Variants in ARHGEF28 observed in about 807,000 individuals in gnomAD.
ARHGEF28 encodes Rho guanine nucleotide exchange factor 28.
In ARHGEF28, 152 loss-of-function variants were observed where a neutral mutation model predicts 206.6. The observed-to-expected ratio is 0.74, with a 90% CI of 0.64 to 0.84. The LOEUF (loss-of-function observed/expected upper bound fraction) is 0.84. Ranked by LOEUF, ARHGEF28 falls within the 40% of genes least tolerant of loss-of-function variation. The probability of loss-of-function intolerance (pLI) is 0.00; values close to 1 mark genes in which losing one functional copy is unlikely to be tolerated. For missense variants in ARHGEF28, 2,028 were observed against 2,073.2 expected (o/e 0.98, Z 0.42); for synonymous variants, 763 against 776.4 (o/e 0.98, Z 0.29).
chr5:73,748,843 C>T (rs950838542), intron 2 of ARHGEF28, among the ~76,000 whole-genome samples: 5 of 152,118 alleles, frequency 3.3e-5, no homozygotes, highest in Admixed American at 1.3e-4. Flanking sequence ...TTTGTGTTTT[C>T]GGTAGGGAGT....
chr5:73,827,667 T>A (rs1296335081), intron 9 of ARHGEF28, among the ~76,000 whole-genome samples: 1 of 152,230 alleles, frequency 6.6e-6, no homozygotes, highest in African/African-American at 2.4e-5. Flanking sequence ...ACGAGTGTTT[T>A]TCACTAATTT....
At chr5:73,699,100 A>G (rs926039735) in intron 2 of ARHGEF28, among the ~76,000 whole-genome samples, 5 of 151,924 alleles carry the variant, frequency 3.3e-5, no homozygotes, top group Admixed American at 3.3e-4. Context: ...TTGCTTACAG[A>G]TGGTGGAATT....
intron 5 of ARHGEF28, among the ~76,000 whole-genome samples, chr5:73,775,031 A>G (rs887308931): frequency 6.6e-6 from 1 of 152,180 alleles, no homozygotes; most frequent in African/African-American, 2.4e-5. Context: ...TTTGTTTCTC[A>G]TTTGATCAAA....
At chr5:73,900,459 G>C (rs186198920) in intron 30 of ARHGEF28, 2 of 152,178 alleles carry the variant, frequency 1.3e-5, no homozygotes, top group African/African-American at 4.8e-5. Context: ...GAGATTTAAT[G>C]GATGAAGTGA....
chr5:73,734,316 C>A (rs1031203822), intron 2 of ARHGEF28, among the ~76,000 whole-genome samples: 1 of 152,042 alleles, frequency 6.6e-6, no homozygotes, highest in Admixed American at 6.6e-5. Context: ...CATGGGCATG[C>A]CCAGAAGAGT....
chr5:73,772,554 T>A (rs55900900), intron 4 of ARHGEF28, among the ~76,000 whole-genome samples: 2,233 of 152,238 alleles, frequency 0.015, 43 homozygotes, highest in African/African-American at 0.051. Context: ...AATTTTTGTA[T>A]TTTTTGTGGA....
Position 73,872,979 on chromosome 5 carries a change from T to C in ARHGEF28, c.2567-20T>C. 1 of 1,612,168 alleles carries C rather than the reference T, an allele frequency of 6.2e-7. No individual in the cohort carries two copies. Among genetic ancestry groups the C allele is most frequent in the Non-Finnish European group, 8.5e-7 (1 of 1,178,642 alleles). On this transcript the variant is annotated intron_variant, in intron 21 of 35. Coordinates refer to ENST00000513042, the MANE Select transcript of ARHGEF28 (RefSeq NM_001177693.2). ...CTTTTTAAAGCTTGTTTAAGGCTTA[T>C]GTGTGCTCACACATTTCAGAGCTAA...
At chr5:73,771,994 T>A (rs1218483723) in intron 4 of ARHGEF28, among the ~76,000 whole-genome samples, 1 of 152,194 alleles carries the variant, frequency 6.6e-6, no homozygotes, top group Non-Finnish European at 1.5e-5. Context: ...ACACAGATGA[T>A]TGATAGAGTA....
rs781047656 is a variant in ARHGEF28, at chr5:73,885,947, C to T, written c.3153C>T (p.Asn1051=). The T allele has an allele frequency of 8.1e-6, 13 of 1,613,402 alleles. No individual in the cohort carries two copies. Among genetic ancestry groups the T allele is most frequent in the Middle Eastern group, 1.7e-4 (1 of 6,060 alleles). ...TAAAAGTCAATGAATATGAGAAAAA[C>T]CAAAAATGGCTTGAGATCCTAAATA... ...VDLKVNEYEK[N]QKWLEILNKI... is the part of the protein sequence containing the mutation. The change falls in exon 25 of 36, where the codon AAC becomes AAT. Residue 1051 remains asparagine, a synonymous_variant. Transcript: ENST00000513042.
Position 73,862,044 on chromosome 5 carries a change from A to G in ARHGEF28, c.2048-2773A>G, listed in dbSNP as rs187673859. On this transcript the variant is annotated intron_variant, in intron 16 of 35. Coordinates refer to ENST00000513042, the MANE Select transcript of ARHGEF28 (RefSeq NM_001177693.2). ...ATCTTAAAAACAAGATATGATATAAAACAACACATAGTATTGTGTAAGTAT... is the reference window on the plus strand; with the variant it reads ...ATCTTAAAAACAAGATATGATATAAGACAACACATAGTATTGTGTAAGTAT... 3.4e-3 allele frequency among the ~76,000 whole-genome samples: 524 copies of G among 152,310 alleles called. 7 individuals carry two copies. The highest frequency in any genetic ancestry group is 0.014 in the Middle Eastern group (4 of 294).
chr5:73,776,705 A>T lies in ARHGEF28; in HGVS notation c.840+9A>T. 3.8e-6 allele frequency: 6 copies of T among 1,598,454 alleles called. No individual in the cohort carries two copies. The South Asian group carries it at 4.5e-5, about 12-fold the overall frequency. ...GAGCCTTTCTTGTCAAGGTTTGTAC[A>T]TAGTGATTCTAGCATGTGATAATGC... is the stretch of plus-strand genomic sequence containing the variant. On this transcript the variant is annotated intron_variant, in intron 6 of 35. Coordinates refer to ENST00000513042, the MANE Select transcript of ARHGEF28 (RefSeq NM_001177693.2).
At chr5:73,722,386 C>T (rs1750013648) in intron 2 of ARHGEF28, among the ~76,000 whole-genome samples, 2 of 152,234 alleles carry the variant, frequency 1.3e-5, no homozygotes, top group South Asian at 4.1e-4. Context: ...CAGCTATTTA[C>T]CAGATGTCCT....
At chr5:73,875,051 C>T (rs200718267) in intron 22 of ARHGEF28, among the ~76,000 whole-genome samples, 83,671 of 144,938 alleles carry the variant, frequency 0.58, 24,411 homozygotes, top group African/African-American at 0.68. Context: ...TAAAAGTGTT[C>T]CCATTTCTCC....
At chr5:73,763,039 T>G (rs1454072506) in intron 4 of ARHGEF28, among the ~76,000 whole-genome samples, 4 of 152,254 alleles carry the variant, frequency 2.6e-5, no homozygotes, top group Admixed American at 1.3e-4. Flanking sequence ...GTAAAATCCT[T>G]ATCATAGTCA....
chr5:73,898,860 G>C (rs1762107573), intron 30 of ARHGEF28: 1 of 152,156 alleles, frequency 6.6e-6, no homozygotes, highest in Admixed American at 6.5e-5. Flanking sequence ...TCCTGTGCAG[G>C]TGGTAACAAC....
intron 1 of ARHGEF28, among the ~76,000 whole-genome samples, chr5:73,667,674 T>G (rs1042346038): frequency 1.3e-5 from 2 of 152,226 alleles, no homozygotes; most frequent in African/African-American, 4.8e-5. Flanking sequence ...ATGGCTGGGC[T>G]GAGAGTTTCC....
chr5:73,904,198 T>A, intron 31 of ARHGEF28, 24 bp from the exon 32 acceptor site: 1 of 1,612,008 alleles, frequency 6.2e-7, no homozygotes, highest in Non-Finnish European at 8.5e-7. Context: ...GGTTATTCAT[T>A]TTCTTGTTTT....
At chr5:73,723,484 C>T (rs1033001910) in intron 2 of ARHGEF28, among the ~76,000 whole-genome samples, 1 of 152,232 alleles carries the variant, frequency 6.6e-6, no homozygotes, top group African/African-American at 2.4e-5. Context: ...CCACACCCAG[C>T]CCCAAGAATG....
intron 2 of ARHGEF28, among the ~76,000 whole-genome samples, chr5:73,719,996 T>C (rs1229892126): frequency 6.6e-6 from 1 of 152,236 alleles, no homozygotes; most frequent in African/African-American, 2.4e-5. Flanking sequence ...AACTATAGGC[T>C]GAAGAATGAG....
Sources: gnomAD v4.1 joint callset for allele counts (sites outside exome capture counted in the v4.1 genomes callset) on GRCh38, gnomAD v4.1.1 for gene constraint, MANE v1.5 for transcripts, NCBI Gene and HGNC (gene_info 2026-07-23, HGNC 2026-07-21) for gene names.